USP42: variants seen among roughly 807,000 people sequenced by gnomAD.
The protein encoded by USP42 is ubiquitin specific peptidase 42, also known as ubiquitin carboxyl-terminal hydrolase 42.
USP42 carries 23 observed loss-of-function variants against 113.0 expected under a neutral mutation model. The ratio of observed to expected loss-of-function variants is 0.20; its 90% CI spans 0.15 to 0.29. USP42 has a LOEUF of 0.29. Ranked by LOEUF, USP42 falls within the 10% of genes least tolerant of loss-of-function variation. USP42 has a pLI of 1.00. For missense variants in USP42, 2,174 were observed against 1,779.8 expected, an observed-to-expected ratio of 1.22 and a Z score of -3.99; for synonymous variants, 933 against 699.0, an observed-to-expected ratio of 1.33 and a Z score of -5.28.
chr7:6,111,423 T>C (rs772822550), intron 2 of USP42, 49 bp downstream of exon 2: 1 of 1,591,706 alleles, frequency 6.3e-7, no homozygotes, highest in South Asian at 1.1e-5. Flanking sequence ...CCTGTGTAAA[T>C]GCTGCTGGGG....
At chr7:6,122,094 G>A (rs1184951671) in intron 3 of USP42, among the ~76,000 whole-genome samples, 1 of 152,020 alleles carries the variant, frequency 6.6e-6, no homozygotes, top group African/African-American at 2.4e-5. Context: ...TGTTGTTATT[G>A]TCATTATTCC....
intron 1 of USP42, among the ~76,000 whole-genome samples, chr7:6,105,717 GTTT>G (rs1779242870): frequency 6.6e-6 from 1 of 152,184 alleles, no homozygotes; most frequent in Non-Finnish European, 1.5e-5. Context: ...CCTCTCTAGC[GTTT>G]TTTATTTTCG....
chr7:6,091,989 TC>T, the USP42 span, among the ~76,000 whole-genome samples: 1 of 58,660 alleles, frequency 1.7e-5, no homozygotes, highest in African/African-American at 5.5e-5. Flanking sequence ...TTCTTCTTCT[TC>T]TTCTTCTTCT....
At chr7:6,132,077 C>T (rs750635079) in intron 3 of USP42, among the ~76,000 whole-genome samples, 8 of 152,132 alleles carry the variant, frequency 5.3e-5, no homozygotes, top group Admixed American at 3.9e-4. Context: ...GGACTACAGG[C>T]GTTCACCACC....
chr7:6,091,986 T>C, the USP42 span, among the ~76,000 whole-genome samples: 2 of 47,656 alleles, frequency 4.2e-5, 1 homozygote, highest in African/African-American at 1.3e-4. Flanking sequence ...TTTTTCTTCT[T>C]CTTCTTCTTC....
At chr7:6,096,309 G>A in the USP42 span, among the ~76,000 whole-genome samples, 1 of 151,238 alleles carries the variant, frequency 6.6e-6, no homozygotes, top group Non-Finnish European at 1.5e-5. Flanking sequence ...AGAACACTGG[G>A]AGTATTCTCC....
intron 2 of USP42, among the ~76,000 whole-genome samples, chr7:6,112,718 T>G (rs796070817): frequency 2.2e-4 from 33 of 152,112 alleles, no homozygotes; most frequent in African/African-American, 8.0e-4. Context: ...CTTAAAACAT[T>G]GAGTTTTTTT....
intron 11 of USP42, 119 bp downstream of exon 11, chr7:6,146,367 G>A: frequency 2.7e-5 from 19 of 709,918 alleles, no homozygotes; most frequent in Non-Finnish European, 4.1e-5. Flanking sequence ...GCAGCTTAAA[G>A]ATCAACTCTA....
chr7:6,146,113 T>C, intron 10 of USP42, 35 bp from the exon 11 acceptor site: 7 of 1,382,234 alleles, frequency 5.1e-6, no homozygotes, highest in Non-Finnish European at 7.0e-6. Context: ...TTTAATTAAA[T>C]CTAATCTCTC....
rs542708418 is a variant in USP42, at chr7:6,114,644, GTA to G, written c.242-677_242-676del. Among the ~76,000 whole-genome samples the G allele has an allele frequency of 5.9e-3, 553 of 93,362 alleles. 4 individuals carry two copies. Among genetic ancestry groups the G allele is most frequent in the African/African-American group, 0.025 (518 of 20,522 alleles). The allele number at this position is 93,362 out of a possible 152,430, so 61.2% of individuals were successfully genotyped here. Reference sequence around the variant, plus strand: ...ATAAAATACGTGTGTGTGTATATATGTATGTGTGTGTGTATATATATATATAT... The same window carrying G: ...ATAAAATACGTGTGTGTGTATATATGTGTGTGTGTGTATATATATATATAT... On this transcript the variant is annotated intron_variant, in intron 2 of 17. Transcript: ENST00000306177.
At chr7:6,097,907 C>CT in the USP42 span, among the ~76,000 whole-genome samples, 58,824 of 103,592 alleles carry the variant, frequency 0.57, 18,182 homozygotes, top group East Asian at 0.88. Context: ...TCTTTCTTTT[C>CT]TTTTTTTTTT....
At chr7:6,097,595 T>TC in the USP42 span, among the ~76,000 whole-genome samples, 1 of 150,002 alleles carries the variant, frequency 6.7e-6, no homozygotes, top group Non-Finnish European at 1.5e-5. Flanking sequence ...CTTTTTCTTT[T>TC]CTTTTTTTTT....
intron 4 of USP42, among the ~76,000 whole-genome samples, chr7:6,138,680 C>T (rs562233559): frequency 4.6e-5 from 7 of 152,290 alleles, no homozygotes; most frequent in Non-Finnish European, 1.0e-4. Context: ...GGTGAGCATC[C>T]CCACCTGAGC....
At chr7:6,098,334 G>C in the USP42 span, among the ~76,000 whole-genome samples, 2 of 149,920 alleles carry the variant, frequency 1.3e-5, no homozygotes, top group South Asian at 4.2e-4. Context: ...TCTCTTATCT[G>C]CTCCCCAGCC....
Position 6,159,360 on chromosome 7 carries a change from G to A in USP42, c.3944-90G>A. ...GCTCACAGGGAACCGCAGTGACTCT[G>A]ACCATAGCCACTTAACGCACACACA... On this transcript the variant is annotated intron_variant, in intron 16 of 17. Transcript: ENST00000306177. The surrounding 1 kb of genome is among the most constrained non-coding windows in gnomAD (Gnocchi z 4.1). 1 of 1,579,462 alleles carries A rather than the reference G, an allele frequency of 6.3e-7. No individual in the cohort carries two copies. Among genetic ancestry groups the A allele is most frequent in the Non-Finnish European group, 8.7e-7 (1 of 1,153,102 alleles).
intron 11 of USP42, among the ~76,000 whole-genome samples, chr7:6,146,970 G>A (rs568379987): frequency 2.0e-5 from 3 of 152,224 alleles, no homozygotes; most frequent in Non-Finnish European, 2.9e-5. Flanking sequence ...GCCAGCACCC[G>A]CACCCAGCTC....
At chr7:6,153,649 A>G (rs1782202216) in intron 14 of USP42, 107 bp from the exon 15 acceptor site, 1 of 1,290,196 alleles carries the variant, frequency 7.8e-7, no homozygotes, top group Non-Finnish European at 1.0e-6. Context: ...TAAAATAAAG[A>G]GACGAAATAG....
chr7:6,146,952 A>G (rs1028553188), intron 11 of USP42, among the ~76,000 whole-genome samples: 4 of 152,260 alleles, frequency 2.6e-5, no homozygotes, highest in African/African-American at 9.6e-5. Context: ...GTTGCCTTCC[A>G]GGCCAAGGCC....
chr7:6,113,395 G>A (rs1195788449), intron 2 of USP42, among the ~76,000 whole-genome samples: 1 of 152,056 alleles, frequency 6.6e-6, no homozygotes, highest in Non-Finnish European at 1.5e-5. Context: ...CTGTCATGTT[G>A]CTGGGGCTTC....
Sources: allele counts gnomAD v4.1 joint callset (sites outside exome capture counted in the v4.1 genomes callset), GRCh38; gene constraint gnomAD v4.1.1; non-coding constraint Gnocchi (gnomAD v3.1); transcripts MANE v1.5; gene names NCBI Gene and HGNC (gene_info 2026-07-23, HGNC 2026-07-21).